CCDC7: variants seen among roughly 807,000 people sequenced by gnomAD.
The protein encoded by CCDC7 is coiled-coil domain-containing protein 7.
Under a neutral mutation model 196.9 loss-of-function variants are expected in CCDC7, and 183 were observed. That is an observed-to-expected ratio of 0.93 (90% CI 0.82 to 1.05). CCDC7 has a LOEUF of 1.05. Ranked by LOEUF, CCDC7 falls within the 50% of genes least tolerant of loss-of-function variation. CCDC7 has a pLI of 0.00. For synonymous variants in CCDC7, 525 were observed against 484.6 expected, an observed-to-expected ratio of 1.08 and a Z score of -1.10; for missense variants, 1,540 against 1,482.2, an observed-to-expected ratio of 1.04 and a Z score of -0.64.
At chr10:32,655,082 G>C (rs2069538881) in intron 20 of CCDC7, among the ~76,000 whole-genome samples, 1 of 152,144 alleles carries the variant, frequency 6.6e-6, no homozygotes, top group African/African-American at 2.4e-5. Context: ...CAGGAAGCTG[G>C]CAGATACATC....
At chr10:32,638,910 CT>C (rs1444075126) in intron 20 of CCDC7, among the ~76,000 whole-genome samples, 1 of 152,072 alleles carries the variant, frequency 6.6e-6, no homozygotes, top group Non-Finnish European at 1.5e-5. Flanking sequence ...ATTTCAGAGC[CT>C]GTTATTGGTC....
intron 8 of CCDC7, among the ~76,000 whole-genome samples, chr10:32,481,947 AT>A: frequency 6.6e-6 from 1 of 151,910 alleles, no homozygotes; most frequent in African/African-American, 2.4e-5. Context: ...TTTGTCTTTA[AT>A]TTTTGACAGT....
At chr10:32,763,481 G>T (rs1166226053) in intron 28 of CCDC7, among the ~76,000 whole-genome samples, 1 of 151,836 alleles carries the variant, frequency 6.6e-6, no homozygotes, top group Non-Finnish European at 1.5e-5. Context: ...CCCCTTCTGG[G>T]TACATACGCA....
At chr10:32,490,122 G>A (rs879758603) in intron 8 of CCDC7, among the ~76,000 whole-genome samples, 2 of 152,132 alleles carry the variant, frequency 1.3e-5, no homozygotes, top group Non-Finnish European at 2.9e-5. Context: ...GCTGTCTCCA[G>A]CTGTCTCTGG....
intron 9 of CCDC7, chr10:32,514,188 T>G (rs1242611974): frequency 6.6e-6 from 1 of 152,180 alleles, no homozygotes; most frequent in Non-Finnish European, 1.5e-5. Context: ...ACACTAGCTG[T>G]TATGGGTTGA....
rs1050856008 is a variant in CCDC7, at chr10:32,635,177, A to G, written c.2014+19A>G. ...TTTCATTGTAAGTAGTAAGTTTAAA[A>G]TGTTATAAAATTATTTTCAATTATA... is the stretch of plus-strand genomic sequence containing the variant. On this transcript the variant is annotated intron_variant, in intron 20 of 41. Transcript: ENST00000639629. 3 of 398,052 alleles carry G rather than the reference A, an allele frequency of 7.5e-6. No homozygotes were observed. In the Admixed American group the frequency reaches 1.3e-4, roughly 18 times the overall value. 24.7% of individuals were successfully genotyped at this position (398,052 alleles called of 1,614,324 possible). A position where few individuals can be genotyped will look rare whatever the true frequency, so the allele number is the denominator to read the frequency against.
intron 20 of CCDC7, among the ~76,000 whole-genome samples, chr10:32,656,668 A>G (rs7086266): frequency 0.14 from 21,771 of 152,174 alleles, 1,894 homozygotes; most frequent in African/African-American, 0.25. Flanking sequence ...TATGGGAGCT[A>G]CAATTCAAGA....
chr10:32,682,949 A>G (rs2076034234), intron 21 of CCDC7, among the ~76,000 whole-genome samples: 2 of 151,836 alleles, frequency 1.3e-5, no homozygotes, highest in Admixed American at 6.6e-5. Context: ...TAGGTTGTCT[A>G]TTTGCTCTAT....
rs1483327598 is a variant in CCDC7 at position 32,544,264 on chromosome 10, AAG to A, written c.1100_1101del (p.Glu367ValfsTer2). 2.5e-6 allele frequency: 4 copies of A among 1,608,280 alleles called. No homozygotes were observed. Among genetic ancestry groups the A allele is most frequent in the Admixed American group, 1.7e-5 (1 of 59,430 alleles). On this transcript the variant is annotated frameshift_variant, in exon 13 of 42. Transcript: ENST00000639629. LOFTEE classifies it high-confidence loss of function. Reference sequence around the variant, plus strand: ...TGTTACAGGAAGATGTCTCCAGAAAAAGAGTTTAAAATAAAAGAAGATTTGGA... The same window carrying A: ...TGTTACAGGAAGATGTCTCCAGAAAAAGTTTAAAATAAAAGAAGATTTGGA...
chr10:32,704,382 A>C (rs2079323779), intron 24 of CCDC7, among the ~76,000 whole-genome samples: 1 of 152,062 alleles, frequency 6.6e-6, no homozygotes, highest in East Asian at 1.9e-4. Context: ...TTTGTCTTAG[A>C]GGAGTACCCA....
At chr10:32,630,311 C>CAT (rs1380048315) in intron 18 of CCDC7, among the ~76,000 whole-genome samples, 2 of 150,638 alleles carry the variant, frequency 1.3e-5, no homozygotes. Context: ...ATATGGGTAC[C>CAT]ATATATATGT....
chr10:32,604,088 C>T (rs1394668267), intron 18 of CCDC7, among the ~76,000 whole-genome samples: 1 of 152,080 alleles, frequency 6.6e-6, no homozygotes, highest in Non-Finnish European at 1.5e-5. Flanking sequence ...TCAGGTCTTA[C>T]ATTTAAGCCT....
chr10:32,694,831 A>G (rs750528066), intron 23 of CCDC7, 48 bp from the exon 25 acceptor site: 7 of 1,088,732 alleles, frequency 6.4e-6, no homozygotes, highest in Non-Finnish European at 9.0e-6. Flanking sequence ...GAGATTTCAC[A>G]GTAGGTCTGT....
intron 21 of CCDC7, among the ~76,000 whole-genome samples, chr10:32,666,402 G>T (rs1180865961): frequency 6.6e-6 from 1 of 151,714 alleles, no homozygotes; most frequent in East Asian, 1.9e-4. Context: ...TATACTTTAC[G>T]TTCTAGGGTA....
intron 11 of CCDC7, among the ~76,000 whole-genome samples, chr10:32,520,966 T>C (rs1337131640): frequency 6.6e-6 from 1 of 152,134 alleles, no homozygotes; most frequent in Non-Finnish European, 1.5e-5. Context: ...CAACATTTAT[T>C]GAAGAGACTG....
In CCDC7 at chr10:32,472,557, T is replaced by C; in HGVS notation, c.739+15T>C. 6.5e-7 allele frequency: 1 copy of C among 1,537,656 alleles called. No homozygotes were observed. Among genetic ancestry groups the C allele is most frequent in the Non-Finnish European group, 8.7e-7 (1 of 1,143,478 alleles). ...GAAAATTGAAGGTGATAATATTTTATATATGTTTATCCTTAAAAATTTTAT... is the reference window on the plus strand; with the variant it reads ...GAAAATTGAAGGTGATAATATTTTACATATGTTTATCCTTAAAAATTTTAT... On this transcript the variant is annotated intron_variant, in intron 7 of 41. Coordinates refer to ENST00000639629, the Ensembl canonical transcript of CCDC7.
intron 28 of CCDC7, among the ~76,000 whole-genome samples, chr10:32,761,185 A>G (rs1187420490): frequency 1.3e-5 from 2 of 152,058 alleles, no homozygotes; most frequent in Non-Finnish European, 1.5e-5. Context: ...AATACAGAAG[A>G]GGGAATACAG....
At chr10:32,734,772 C>T (rs946900589) in intron 28 of CCDC7, among the ~76,000 whole-genome samples, 1 of 151,910 alleles carries the variant, frequency 6.6e-6, no homozygotes, top group Non-Finnish European at 1.5e-5. Flanking sequence ...TGGCATGCAC[C>T]TGTAATCCCA....
At chr10:32,538,430 CAG>C (rs544653781) in intron 11 of CCDC7, among the ~76,000 whole-genome samples, 141 of 152,266 alleles carry the variant, frequency 9.3e-4, no homozygotes, top group African/African-American at 3.2e-3. Flanking sequence ...TGCCATCAAA[CAG>C]GGGTAGTTTC....
Sources: gnomAD v4.1 joint callset for allele counts (sites outside exome capture counted in the v4.1 genomes callset) on GRCh38, gnomAD v4.1.1 for gene constraint, MANE v1.5 for transcripts, NCBI Gene and HGNC (gene_info 2026-07-23, HGNC 2026-07-21) for gene names.